The following LIPG variants were observed in gnomAD, a reference collection of about 807,000 sequenced individuals.
The protein encoded by LIPG is endothelial lipase.
Under a neutral mutation model 51.8 loss-of-function variants are expected in LIPG, and 34 were observed. That is an observed-to-expected ratio of 0.66 (90% CI 0.50 to 0.87). The LOEUF is 0.87. LIPG is among the 40% of genes least tolerant of loss of function. The pLI, the probability that LIPG is intolerant of heterozygous loss-of-function variation, is 0.00. For missense variants in LIPG, 580 were observed against 652.7 expected, an observed-to-expected ratio of 0.89 and a Z score of 1.21; for synonymous variants, 246 against 246.1, an observed-to-expected ratio of 1.00 and a Z score of 0.00.
intron 1 of LIPG, among the ~76,000 whole-genome samples, chr18:49,563,109 A>G (rs1197703478): frequency 6.6e-6 from 1 of 151,954 alleles, no homozygotes; most frequent in Non-Finnish European, 1.5e-5. Context: ...GCTCTGGGGG[A>G]GTCAGAATCA....
chr18:49,582,285 G>T, intron 6 of LIPG, 77 bp from the exon 7 acceptor site: 5 of 1,579,394 alleles, frequency 3.2e-6, no homozygotes, highest in Non-Finnish European at 4.3e-6. Flanking sequence ...CTCTGTGCTG[G>T]TGACTCAGTT....
chr18:49,572,340 T>A (rs141785404), intron 4 of LIPG, among the ~76,000 whole-genome samples: 2 of 132,468 alleles, frequency 1.5e-5, no homozygotes, highest in East Asian at 4.4e-4. Context: ...AAATAAAAAA[T>A]AAAAAACAAA....
At chr18:49,582,314 T>C in intron 6 of LIPG, 48 bp from the exon 7 acceptor site, 1 of 1,613,574 alleles carries the variant, frequency 6.2e-7, no homozygotes, top group Non-Finnish European at 8.5e-7. Flanking sequence ...GGGTCTCCTG[T>C]GATGACAAGC....
chr18:49,561,930 C>T (rs912023374), upstream of LIPG: 1 of 1,334,498 alleles, frequency 7.5e-7, no homozygotes, highest in Non-Finnish European at 9.5e-7. Flanking sequence ...TCTCCAGTCT[C>T]GGTTCCGGCG....
At position 49,590,710 on chromosome 18, in the gene LIPG, C is replaced by T; in HGVS notation, c.*188C>T. ...GCGGGAGGGGACTGCGCTGCTATAG[C>T]TCTTGCTGCCTCTCTTGAATAGCTC... On this transcript the variant is annotated 3_prime_UTR_variant, in exon 10 of 10. Transcript: ENST00000261292. The T allele has an allele frequency of 1.5e-6, 1 of 657,440 alleles. No homozygotes were observed. The highest frequency in any genetic ancestry group is 2.7e-6 in the Non-Finnish European group (1 of 364,992). 40.7% of individuals were successfully genotyped at this position (657,440 alleles called of 1,614,324 possible). A position where few individuals can be genotyped will look rare whatever the true frequency, so the allele number is the denominator to read the frequency against.
rs182458396 is a variant in LIPG, at chr18:49,581,736, C to T, written c.1036+79C>T. The T allele has an allele frequency of 1.2e-3, 1,824 of 1,553,120 alleles. 21 individuals carry two copies. The African/African-American group carries it at 0.021, about 17-fold the overall frequency. Reference sequence around the variant, plus strand: ...TAATACCATGCTGCAGAGCAGGGCACATCCTAGCCCAGGAGAAGTGGCCAG... The same window carrying T: ...TAATACCATGCTGCAGAGCAGGGCATATCCTAGCCCAGGAGAAGTGGCCAG... On this transcript the variant is annotated intron_variant, in intron 6 of 9. Coordinates refer to ENST00000261292, the MANE Select transcript of LIPG (RefSeq NM_006033.4).
intron 5 of LIPG, among the ~76,000 whole-genome samples, chr18:49,579,029 A>C (rs1387349301): frequency 0.15 from 7 of 48 alleles, 1 homozygote; most frequent in Admixed American, 1. Flanking sequence ...AGGGAGAGGG[A>C]GAGGGAGAGG....
chr18:49,587,106 TAAAAA>T (rs11354327), intron 9 of LIPG, among the ~76,000 whole-genome samples: 2 of 128,504 alleles, frequency 1.6e-5, no homozygotes, highest in African/African-American at 5.7e-5. Context: ...CCATCTCTAC[TAAAAA>T]AAAAAAAAAA....
intron 5 of LIPG, among the ~76,000 whole-genome samples, chr18:49,578,914 A>ACTC (rs2084769037): frequency 3.4e-5 from 5 of 146,056 alleles, no homozygotes; most frequent in South Asian, 2.3e-4. Flanking sequence ...CGGCAGGCTG[A>ACTC]GGCAGGAGAA....
chr18:49,578,101 G>A (rs1234674257), intron 5 of LIPG, among the ~76,000 whole-genome samples: 205 of 102,268 alleles, frequency 2.0e-3, no homozygotes, highest in Admixed American at 2.4e-3. Flanking sequence ...CGGATGGGGC[G>A]GCTGGCCGGG....
In LIPG at chr18:49,593,815, CTTTA is replaced by C. The variant is rs2084965813; in HGVS notation, c.*3298_*3301del. On this transcript the variant is annotated 3_prime_UTR_variant, in exon 10 of 10. Coordinates refer to ENST00000261292, the MANE Select transcript of LIPG (RefSeq NM_006033.4). ...CACATGACAGGCTGGGAAATACAGT[CTTTA>C]TTTAGGGTGCCCATGGGCCCTGCTG... 1.3e-5 allele frequency: 2 copies of C among 152,286 alleles called. No homozygotes were observed. The highest frequency in any genetic ancestry group is 2.1e-4 in the South Asian group (1 of 4,824). 9.4% of individuals were successfully genotyped at this position (152,286 alleles called of 1,614,324 possible).
intron 4 of LIPG, among the ~76,000 whole-genome samples, chr18:49,571,470 G>A (rs1279966143): frequency 6.6e-6 from 1 of 152,232 alleles, no homozygotes; most frequent in Non-Finnish European, 1.5e-5. Flanking sequence ...GAGCCAGGCA[G>A]AATGCTAATT....
At chr18:49,568,333 C>A (rs1399514294) in intron 3 of LIPG, among the ~76,000 whole-genome samples, 1 of 150,614 alleles carries the variant, frequency 6.6e-6, no homozygotes, top group Non-Finnish European at 1.5e-5. Flanking sequence ...CCCAGCCTGC[C>A]TGATACCTCT....
At chr18:49,587,841 G>A (rs11875229) in intron 9 of LIPG, among the ~76,000 whole-genome samples, 2,991 of 151,584 alleles carry the variant, frequency 0.02, 83 homozygotes, top group African/African-American at 0.062. Flanking sequence ...AGGCTGGAGC[G>A]CAGTGGCATG....
Position 49,597,656 on chromosome 18 carries a change from G to T in LIPG, c.*7134G>T, listed in dbSNP as rs149548726. 1 of 152,558 alleles carries T rather than the reference G, an allele frequency of 6.6e-6. No homozygotes were observed. Among genetic ancestry groups the T allele is most frequent in the African/African-American group, 2.4e-5 (1 of 41,578 alleles). 9.5% of individuals were successfully genotyped at this position (152,558 alleles called of 1,614,324 possible). On this transcript the variant is annotated 3_prime_UTR_variant, in exon 10 of 10. Transcript: ENST00000261292. The stretch of plus-strand genomic sequence containing the variant: ...CAGGTCTCAGCAGGTGAGGGCTCAG[G>T]CCCAGAGGCCAGCTGGGGCAGCAGG...
In LIPG at chr18:49,579,658, C is replaced by T. The variant is rs149615216; in HGVS notation, c.794-1757C>T. ...CCTGATGCTCAGTCTTTCCCTCTCC[C>T]GGTTTAATCCAAGTAGCTCTGCAGG... On this transcript the variant is annotated intron_variant, in intron 5 of 9. Coordinates refer to ENST00000261292, the MANE Select transcript of LIPG (RefSeq NM_006033.4). Among the ~76,000 whole-genome samples, 845 of 152,182 alleles carry T rather than the reference C, an allele frequency of 5.6e-3. 4 individuals carry two copies. The highest frequency in any genetic ancestry group is 9.4e-3 in the Non-Finnish European group (639 of 68,020).
chr18:49,562,650 C>T (rs1410853025), intron 1 of LIPG, among the ~76,000 whole-genome samples: 1 of 152,164 alleles, frequency 6.6e-6, no homozygotes, highest in African/African-American at 2.4e-5. Flanking sequence ...GCCCTCCCAC[C>T]CCCACCTCCT....
intron 5 of LIPG, among the ~76,000 whole-genome samples, chr18:49,576,999 CTATTT>C (rs773113969): frequency 4.6e-5 from 7 of 151,284 alleles, no homozygotes; most frequent in Non-Finnish European, 8.8e-5. Flanking sequence ...TGGATACACT[CTATTT>C]TATTTTATTT....
At position 49,565,420 on chromosome 18, in the gene LIPG, C is replaced by A. The variant is rs964070005; in HGVS notation, c.201C>A (p.Ser67=). ...CAGAGCATGAAGGATGCTACCTCTC[C>A]GTCGGCCACAGCCAGCCCTTAGAAG... The part of the protein sequence containing the change: ...KDPEHEGCYL[S]VGHSQPLEDC... Residue 67 remains serine (S), a synonymous_variant, in exon 2 of 10, where the codon TCC becomes TCA. Transcript: ENST00000261292. 5.6e-6 allele frequency: 9 copies of A among 1,614,092 alleles called. No individual in the cohort carries two copies. The African/African-American group carries it at 1.2e-4, about 22-fold the overall frequency.
Sources: gnomAD v4.1 joint callset for allele counts (sites outside exome capture counted in the v4.1 genomes callset) on GRCh38, gnomAD v4.1.1 for gene constraint, MANE v1.5 for transcripts, NCBI Gene and HGNC (gene_info 2026-07-23, HGNC 2026-07-21) for gene names.